CTNND2: variants seen among roughly 807,000 people sequenced by gnomAD.
The protein encoded by CTNND2 is catenin delta 2.
Under a neutral mutation model 144.4 loss-of-function variants are expected in CTNND2, and 22 were observed. That is an observed-to-expected ratio of 0.15 (90% CI 0.11 to 0.22). The LOEUF is 0.22. Among genes scored for constraint, CTNND2 ranks in the 10% least tolerant of loss-of-function variants. The pLI is 1.00. For missense variants in CTNND2, 1,353 were observed against 1,618.8 expected, an observed-to-expected ratio of 0.84 and a Z score of 2.82; for synonymous variants, 751 against 695.6, an observed-to-expected ratio of 1.08 and a Z score of -1.25.
At chr5:11,574,745 T>A (rs1332723884) in intron 2 of CTNND2, among the ~76,000 whole-genome samples, 1 of 152,100 alleles carries the variant, frequency 6.6e-6, no homozygotes, top group Non-Finnish European at 1.5e-5. Flanking sequence ...ACAAGGGCAA[T>A]GAAGACAGAG....
At chr5:11,313,619 C>T (rs935537730) in intron 9 of CTNND2, among the ~76,000 whole-genome samples, 1 of 152,164 alleles carries the variant, frequency 6.6e-6, no homozygotes, top group African/African-American at 2.4e-5. Context: ...AGTATGTTCT[C>T]ACACTGCACT....
chr5:11,705,378 T>C (rs947886331), intron 2 of CTNND2, among the ~76,000 whole-genome samples: 30 of 152,270 alleles, frequency 2.0e-4, no homozygotes, highest in Admixed American at 1.4e-3. Context: ...AAAAAGCTAA[T>C]GTAATATAAG....
At chr5:11,350,688 T>A (rs970194900) in intron 8 of CTNND2, among the ~76,000 whole-genome samples, 7 of 152,034 alleles carry the variant, frequency 4.6e-5, no homozygotes, top group African/African-American at 1.7e-4. Context: ...ATCAATGCAA[T>A]GAAAATAATG....
chr5:11,006,142 A>G (rs1159204527), intron 18 of CTNND2, among the ~76,000 whole-genome samples: 2 of 152,234 alleles, frequency 1.3e-5, no homozygotes, highest in East Asian at 1.9e-4. Flanking sequence ...AGGGAAGACC[A>G]GGACCAGGGT....
intron 14 of CTNND2, among the ~76,000 whole-genome samples, chr5:11,107,086 TG>T (rs1752496553): frequency 6.6e-6 from 1 of 152,200 alleles, no homozygotes; most frequent in Admixed American, 6.5e-5. Flanking sequence ...TTATGAATTT[TG>T]CTGTCTGATA....
intron 13 of CTNND2, among the ~76,000 whole-genome samples, chr5:11,111,832 C>T (rs1020987226): frequency 6.6e-6 from 1 of 151,976 alleles, no homozygotes. Flanking sequence ...AATAATGGCC[C>T]TCCCAGAAGG....
At chr5:11,353,366 A>G (rs1196895335) in intron 8 of CTNND2, among the ~76,000 whole-genome samples, 2 of 152,226 alleles carry the variant, frequency 1.3e-5, no homozygotes, top group Admixed American at 6.5e-5. Flanking sequence ...GTTCGGCACT[A>G]GAGGTGAGGG....
At chr5:11,849,074 C>A (rs112997955) in intron 1 of CTNND2, among the ~76,000 whole-genome samples, 8,123 of 152,044 alleles carry the variant, frequency 0.053, 579 homozygotes, top group African/African-American at 0.16. Flanking sequence ...GAGACTAGGT[C>A]ATTTATAAAG....
At position 11,882,682 on chromosome 5, in the gene CTNND2, T is replaced by C. The variant is rs182045063; in HGVS notation, c.37+21135A>G. Among the ~76,000 whole-genome samples the C allele has an allele frequency of 2.2e-3, 331 of 152,236 alleles. 2 individuals carry two copies. Among genetic ancestry groups the C allele is most frequent in the African/African-American group, 7.4e-3 (309 of 41,560 alleles). On this transcript the variant is annotated intron_variant, in intron 1 of 21. Coordinates refer to ENST00000304623, the MANE Select transcript of CTNND2 (RefSeq NM_001332.4). Reference sequence around the variant, plus strand: ...TGTGTCTGTTTTTATAACAGTACTATAGCTTACTACAGTACTGGTTACTAT... The same window carrying C: ...TGTGTCTGTTTTTATAACAGTACTACAGCTTACTACAGTACTGGTTACTAT...
intron 1 of CTNND2, among the ~76,000 whole-genome samples, chr5:11,859,569 T>G (rs1045616693): frequency 6.6e-6 from 1 of 152,088 alleles, no homozygotes; most frequent in Non-Finnish European, 1.5e-5. Flanking sequence ...TGCCCACTAC[T>G]TGCTTTCAAT....
chr5:11,571,680 C>T (rs1777567478), intron 2 of CTNND2, among the ~76,000 whole-genome samples: 1 of 152,112 alleles, frequency 6.6e-6, no homozygotes, highest in South Asian at 2.1e-4. Flanking sequence ...CACCCCGCAC[C>T]TTCGAGAGAT....
intron 10 of CTNND2, among the ~76,000 whole-genome samples, chr5:11,218,039 TTCC>T (rs961906078): frequency 2.1e-5 from 3 of 146,294 alleles, no homozygotes; most frequent in Non-Finnish European, 3.0e-5. Flanking sequence ...CCCTCCCTTC[TTCC>T]TCCTTCCTCC....
chr5:11,441,555 T>A (rs904364377), intron 3 of CTNND2, among the ~76,000 whole-genome samples: 22 of 151,442 alleles, frequency 1.5e-4, no homozygotes, highest in African/African-American at 4.8e-4. Flanking sequence ...ATTTTTTTTT[T>A]TTATTTTTAG....
At chr5:11,282,592 C>T (rs530997033) in intron 9 of CTNND2, among the ~76,000 whole-genome samples, 11 of 152,268 alleles carry the variant, frequency 7.2e-5, no homozygotes, top group South Asian at 4.1e-4. Flanking sequence ...TGTTAGGGAA[C>T]GACTGTTTTG....
intron 18 of CTNND2, among the ~76,000 whole-genome samples, chr5:11,012,963 G>A (rs995932872): frequency 3.9e-5 from 6 of 152,202 alleles, no homozygotes; most frequent in African/African-American, 1.4e-4. Context: ...TGACATATTA[G>A]AATTCAGCAT....
At chr5:11,704,408 A>G (rs769651634) in intron 2 of CTNND2, among the ~76,000 whole-genome samples, 2 of 152,200 alleles carry the variant, frequency 1.3e-5, no homozygotes, top group African/African-American at 2.4e-5. Flanking sequence ...CAGATGGTTC[A>G]CTTTAACAGA....
chr5:11,482,026 C>G lies in CTNND2; in HGVS notation c.288-69957G>C, dbSNP rs1768319478. Among the ~76,000 whole-genome samples the G allele has an allele frequency of 2.6e-5, 4 of 152,186 alleles. No individual in the cohort carries two copies. In the South Asian group the frequency reaches 8.3e-4, roughly 32 times the overall value. On this transcript the variant is annotated intron_variant, in intron 3 of 21. Coordinates refer to ENST00000304623, the MANE Select transcript of CTNND2 (RefSeq NM_001332.4). ...GAAGGTACCTGATTTTCTGCTACTGCCTCTCTGAGTTTTAGGTCCACGCCT... is the reference window on the plus strand; with the variant it reads ...GAAGGTACCTGATTTTCTGCTACTGGCTCTCTGAGTTTTAGGTCCACGCCT...
At chr5:11,131,651 T>C (rs1755610609) in intron 12 of CTNND2, among the ~76,000 whole-genome samples, 1 of 151,972 alleles carries the variant, frequency 6.6e-6, no homozygotes, top group South Asian at 2.1e-4. Context: ...TAGCCAGGCG[T>C]GGTGGCGGGC....
At chr5:11,496,029 C>T (rs1427620807) in intron 3 of CTNND2, among the ~76,000 whole-genome samples, 1 of 152,144 alleles carries the variant, frequency 6.6e-6, no homozygotes, top group Non-Finnish European at 1.5e-5. Flanking sequence ...AGGTCTTTTC[C>T]ATATTTTCTC....
Sources: allele counts gnomAD v4.1 joint callset (sites outside exome capture counted in the v4.1 genomes callset), GRCh38; gene constraint gnomAD v4.1.1; transcripts MANE v1.5; gene names NCBI Gene and HGNC (gene_info 2026-07-23, HGNC 2026-07-21).